The following ZNF383 variants were observed in gnomAD, a reference collection of about 807,000 sequenced individuals.
The protein encoded by ZNF383 is zinc finger protein 383.
ZNF383 carries 32 observed loss-of-function variants against 44.2 expected under a neutral mutation model. That is an observed-to-expected ratio of 0.72 (90% CI 0.55 to 0.97). The LOEUF is 0.97. ZNF383 is among the 50% of genes least tolerant of loss of function. The pLI, the probability that ZNF383 is intolerant of heterozygous loss-of-function variation, is 0.00. For missense variants in ZNF383, 487 were observed against 562.5 expected (o/e 0.87, Z 1.36); for synonymous variants, 155 against 186.2 (o/e 0.83, Z 1.36).
rs1207292332 is a variant in ZNF383 at position 37,248,143 on chromosome 19, A to G, written c.*4479A>G. ...AAGAGTGAAACTCTCTCAAAAATAA[A>G]TAAGTGAAATAAAATTTTTCTTAAA... is the stretch of plus-strand genomic sequence containing the variant. On this transcript the variant is annotated 3_prime_UTR_variant, in exon 6 of 6. Coordinates refer to ENST00000684119, the MANE Select transcript of ZNF383 (RefSeq NM_001387601.1). The G allele has an allele frequency of 6.6e-6, 1 of 152,220 alleles. No homozygotes were observed. The highest frequency in any genetic ancestry group is 1.5e-5 in the Non-Finnish European group (1 of 68,048). 9.4% of individuals were successfully genotyped at this position (152,220 alleles called of 1,614,324 possible). A position where few individuals can be genotyped will look rare whatever the true frequency, so the allele number is the denominator to read the frequency against.
chr19:37,230,091 G>T (rs1398517659), intron 2 of ZNF383, among the ~76,000 whole-genome samples: 1 of 151,882 alleles, frequency 6.6e-6, no homozygotes, highest in African/African-American at 2.4e-5. Context: ...ATTAGCTCAG[G>T]GCAGACCATA....
chr19:37,233,943 C>A (rs1389231664), intron 3 of ZNF383, among the ~76,000 whole-genome samples: 4 of 152,008 alleles, frequency 2.6e-5, no homozygotes, highest in Non-Finnish European at 5.9e-5. Context: ...CTGCTCACTG[C>A]AACCTCCACC....
At chr19:37,221,817 A>T (rs2049714246) in intron 1 of ZNF383, among the ~76,000 whole-genome samples, 1 of 151,122 alleles carries the variant, frequency 6.6e-6, no homozygotes, top group South Asian at 2.1e-4. Flanking sequence ...TTAGCCGGGC[A>T]TGGTGGCGGC....
chr19:37,240,272 C>A (rs150615987), intron 5 of ZNF383, among the ~76,000 whole-genome samples: 3 of 152,190 alleles, frequency 2.0e-5, no homozygotes, highest in Non-Finnish European at 4.4e-5. Flanking sequence ...ATTTTGATAT[C>A]TTCAAACCAT....
chr19:37,235,982 T>C lies in ZNF383; in HGVS notation c.140T>C (p.Leu47Pro). The change falls in exon 5 of 6, where the codon CTT becomes CCT. Residue 47 changes from leucine (L) to proline (P), a missense_variant. Transcript: ENST00000684119. ...ENYGNLVSMGLYTPKPQVISL... is the reference protein window; with the variant it reads ...ENYGNLVSMGPYTPKPQVISL... Reference sequence around the variant, plus strand: ...CCATATCTTTTCTCGTGAGCAGGACTTTACACTCCTAAGCCTCAAGTGATC... The same window carrying C: ...CCATATCTTTTCTCGTGAGCAGGACCTTACACTCCTAAGCCTCAAGTGATC... 1 of 1,612,216 alleles carries C rather than the reference T, an allele frequency of 6.2e-7. No individual in the cohort carries two copies. The highest frequency in any genetic ancestry group is 2.2e-5 in the East Asian group (1 of 44,862).
chr19:37,239,095 T>G (rs1225451168), intron 5 of ZNF383, among the ~76,000 whole-genome samples: 2 of 152,126 alleles, frequency 1.3e-5, no homozygotes, highest in Non-Finnish European at 2.9e-5. Context: ...CATTTTTGTA[T>G]TTTTAGTAGA....
intron 5 of ZNF383, among the ~76,000 whole-genome samples, chr19:37,236,856 C>T (rs1973825787): frequency 6.6e-6 from 1 of 152,038 alleles, no homozygotes; most frequent in Admixed American, 6.6e-5. Context: ...GCATGAGCCA[C>T]CGCGTCCGGC....
intron 5 of ZNF383, among the ~76,000 whole-genome samples, chr19:37,241,755 G>C (rs907612625): frequency 6.6e-6 from 1 of 151,942 alleles, no homozygotes; most frequent in African/African-American, 2.4e-5. Flanking sequence ...GAAATTCCAA[G>C]TGTTTTTGAA....
chr19:37,219,144 G>C (rs1461791927), intron 1 of ZNF383: 1 of 152,856 alleles, frequency 6.5e-6, no homozygotes, highest in African/African-American at 2.4e-5. Context: ...GGGTGCTTGT[G>C]ACTGTCTTTG....
intron 5 of ZNF383, among the ~76,000 whole-genome samples, chr19:37,238,527 C>A (rs1444058903): frequency 6.6e-6 from 1 of 151,930 alleles, no homozygotes; most frequent in Non-Finnish European, 1.5e-5. Flanking sequence ...AGTGAGGGAA[C>A]AGGTAATGTA....
chr19:37,229,736 GTGTGTGTATATATGTATATA>G (rs1380186199), intron 2 of ZNF383, among the ~76,000 whole-genome samples: 1 of 143,562 alleles, frequency 7.0e-6, no homozygotes, highest in Non-Finnish European at 1.5e-5. Flanking sequence ...GTATATATAT[GTGTGTGTATATATGTATATA>G]TGTGTGTATA....
chr19:37,220,567 T>TTTG (rs1568517790), intron 1 of ZNF383, among the ~76,000 whole-genome samples: 178 of 125,326 alleles, frequency 1.4e-3, no homozygotes, highest in African/African-American at 6.6e-3. Context: ...TTGTTTTTTT[T>TTTG]TTTGTTGTTG....
At chr19:37,231,724 G>A (rs1055047286) in intron 3 of ZNF383, among the ~76,000 whole-genome samples, 4 of 152,138 alleles carry the variant, frequency 2.6e-5, no homozygotes, top group Admixed American at 6.6e-5. Context: ...TAGCTGCTGT[G>A]TAACGTGACC....
chr19:37,225,845 AATGGTGCGAT>A (rs1024228911), intron 2 of ZNF383, among the ~76,000 whole-genome samples: 9 of 149,304 alleles, frequency 6.0e-5, no homozygotes. Flanking sequence ...GCTGGAGTGC[AATGGTGCGAT>A]CTCAGGTCAC....
chr19:37,242,216 T>C (rs958620743), intron 5 of ZNF383, among the ~76,000 whole-genome samples: 2 of 148,826 alleles, frequency 1.3e-5, no homozygotes, highest in Admixed American at 1.3e-4. Context: ...TCCAGTTGAT[T>C]CTGATCCACA....
At position 37,247,978 on chromosome 19, in the gene ZNF383, T is replaced by C. The variant is rs1351303323; in HGVS notation, c.*4314T>C. On this transcript the variant is annotated 3_prime_UTR_variant, in exon 6 of 6. Coordinates refer to ENST00000684119, the MANE Select transcript of ZNF383 (RefSeq NM_001387601.1). ...GGAGAAACCCTGTCTCTACTAAAAATACAAAAAATTAGCCGGGCGTGGTGG... is the reference window on the plus strand; with the variant it reads ...GGAGAAACCCTGTCTCTACTAAAAACACAAAAAATTAGCCGGGCGTGGTGG... 1.3e-5 allele frequency: 2 copies of C among 151,820 alleles called. No individual in the cohort carries two copies. The highest frequency in any genetic ancestry group is 6.6e-5 in the Admixed American group (1 of 15,230). 9.4% of individuals were successfully genotyped at this position (151,820 alleles called of 1,614,324 possible).
intron 1 of ZNF383, chr19:37,219,181 G>A: frequency 6.5e-6 from 1 of 152,738 alleles, no homozygotes; most frequent in Non-Finnish European, 1.5e-5. Flanking sequence ...TGTGAGGTCA[G>A]GACAGATTCT....
At chr19:37,235,439 T>C in intron 3 of ZNF383, 110 bp from the exon 4 acceptor site, 1 of 1,077,242 alleles carries the variant, frequency 9.3e-7, no homozygotes, top group Non-Finnish European at 1.4e-6. Context: ...ATACAGGTTC[T>C]CAGTGACACC....
At position 37,244,152 on chromosome 19, in the gene ZNF383, C is replaced by G. The variant is rs1040864199; in HGVS notation, c.*488C>G. Reference sequence around the variant, plus strand: ...AGGCTGGAGTGCAGTGGCGCAATCTCGGCTCGCTGCAACCTCCACCTCCCG... The same window carrying G: ...AGGCTGGAGTGCAGTGGCGCAATCTGGGCTCGCTGCAACCTCCACCTCCCG... On this transcript the variant is annotated 3_prime_UTR_variant, in exon 6 of 6. Transcript: ENST00000684119. 6.6e-6 allele frequency: 1 copy of G among 152,068 alleles called. No homozygotes were observed. Among genetic ancestry groups the G allele is most frequent in the African/African-American group, 2.4e-5 (1 of 41,328 alleles). 9.4% of individuals were successfully genotyped at this position (152,068 alleles called of 1,614,324 possible).
Sources: allele counts gnomAD v4.1 joint callset (sites outside exome capture counted in the v4.1 genomes callset), GRCh38; gene constraint gnomAD v4.1.1; transcripts MANE v1.5; gene names NCBI Gene and HGNC (gene_info 2026-07-23, HGNC 2026-07-21).